Variants in SYT7 observed in about 807,000 individuals in gnomAD.
The protein encoded by SYT7 is synaptotagmin-7.
Under a neutral mutation model 75.1 loss-of-function variants are expected in SYT7, and 29 were observed. The ratio of observed to expected loss-of-function variants is 0.39; its 90% confidence interval spans 0.29 to 0.53. The LOEUF (loss-of-function observed/expected upper bound fraction) is 0.53, where lower values mean the gene tolerates loss of function less well. SYT7 is among the 20% of genes least tolerant of loss of function. The probability of loss-of-function intolerance (pLI) is 0.77; values close to 1 mark genes in which losing one functional copy is unlikely to be tolerated. For missense variants in SYT7, 693 were observed against 953.2 expected (o/e 0.73, Z 3.59); for synonymous variants, 376 against 401.7 (o/e 0.94, Z 0.76).
chr11:61,542,424 G>A lies in SYT7; in HGVS notation c.728C>T (p.Pro243Leu), dbSNP rs768664891. The A allele has an allele frequency of 2.2e-5, 34 of 1,532,626 alleles. No homozygotes were observed. Among genetic ancestry groups the A allele is most frequent in the African/African-American group, 2.7e-5 (2 of 72,890 alleles). 94.9% of individuals were successfully genotyped at this position (1,532,626 alleles called of 1,614,324 possible). The change falls in exon 6 of 13, where the codon CCC (proline) becomes CTC (leucine). Residue 243 changes from proline (P) to leucine (L), a missense_variant. By Grantham distance (98) the Pro-to-Leu change is moderately conservative. Coordinates refer to ENST00000539008, the MANE Select transcript of SYT7 (RefSeq NM_001365809.2). The surrounding 1 kb of genome is among the most constrained non-coding windows in gnomAD (Gnocchi z 7.8). ...CTGGCCCAGGCTCTGGCTGGTGGTGGGCTGGCTGGGCTGCCGGCCCCGCTG... is the reference window on the plus strand; with the variant it reads ...CTGGCCCAGGCTCTGGCTGGTGGTGAGCTGGCTGGGCTGCCGGCCCCGCTG... ...QHQRGRQPSQ[P>L]TTSQSLGQLQ...
At position 61,517,551 on chromosome 11, in the gene SYT7, T is replaced by A. The variant is rs1190377124; in HGVS notation, c.*1076A>T. The A allele has an allele frequency of 5.0e-6, 2 of 398,986 alleles. No individual in the cohort carries two copies. Among genetic ancestry groups the A allele is most frequent in the Non-Finnish European group, 8.8e-6 (2 of 226,622 alleles). 24.7% of individuals were successfully genotyped at this position (398,986 alleles called of 1,614,324 possible). On this transcript the variant is annotated 3_prime_UTR_variant, in exon 13 of 13. Transcript: ENST00000539008. Reference sequence around the variant, plus strand: ...GGGGTGGAGGAAAGAAGGGTGGAGGTCTGCACAGGCAGGGAGAGATGAGGA... The same window carrying A: ...GGGGTGGAGGAAAGAAGGGTGGAGGACTGCACAGGCAGGGAGAGATGAGGA...
chr11:61,557,695 A>AC (rs1349611441), intron 1 of SYT7, among the ~76,000 whole-genome samples: 1 of 151,516 alleles, frequency 6.6e-6, no homozygotes, highest in East Asian at 1.9e-4. Flanking sequence ...TGCAGCCTCA[A>AC]CCCCCCGGAA....
intron 3 of SYT7, among the ~76,000 whole-genome samples, chr11:61,548,104 C>T (rs1033025576): frequency 2.4e-4 from 37 of 152,370 alleles, no homozygotes; most frequent in African/African-American, 8.7e-4. Context: ...GCAAATGTGG[C>T]AGCTGGGTCA....
intron 1 of SYT7, among the ~76,000 whole-genome samples, chr11:61,577,896 GT>G (rs1267034519): frequency 7.2e-5 from 11 of 152,192 alleles, no homozygotes; most frequent in African/African-American, 2.7e-4. Flanking sequence ...TCCTGCCGCT[GT>G]CCTGCCTGCC....
Position 61,580,787 on chromosome 11 carries a change from T to A in SYT7, c.31+3A>T, listed in dbSNP as rs1379650242. ...CGCCCCAGCCCGCCGGGGCCGCGCTTACCTGGGCTGGCCGCCTCCGGGTCC... is the reference window on the plus strand; with the variant it reads ...CGCCCCAGCCCGCCGGGGCCGCGCTAACCTGGGCTGGCCGCCTCCGGGTCC... On this transcript the variant is annotated splice_donor_region_variant and intron_variant, in intron 1 of 12. Transcript: ENST00000539008. This position sits in a 1 kb window ranked among gnomAD's most constrained non-coding sequence, Gnocchi z 6.1. 4 of 1,284,858 alleles carry A rather than the reference T, an allele frequency of 3.1e-6. No individual in the cohort carries two copies. Among genetic ancestry groups the A allele is most frequent in the Non-Finnish European group, 3.9e-6 (4 of 1,013,894 alleles). 79.6% of individuals were successfully genotyped at this position (1,284,858 alleles called of 1,614,324 possible).
chr11:61,568,727 A>G (rs2063841427), intron 1 of SYT7, among the ~76,000 whole-genome samples: 1 of 152,146 alleles, frequency 6.6e-6, no homozygotes, highest in Non-Finnish European at 1.5e-5. Context: ...GCCCCCCACC[A>G]TCCTCACCTC....
At chr11:61,566,310 T>C (rs555769162) in intron 1 of SYT7, among the ~76,000 whole-genome samples, 3 of 152,346 alleles carry the variant, frequency 2.0e-5, no homozygotes, top group East Asian at 3.9e-4. Flanking sequence ...CAGCCACCCC[T>C]ACCTCCCACA....
intron 6 of SYT7, 117 bp from the exon 7 acceptor site, chr11:61,538,383 G>GAGAA (rs2062941540): frequency 2.4e-6 from 2 of 825,180 alleles, no homozygotes; most frequent in Non-Finnish European, 1.8e-6. Context: ...GAGAGAGAGA[G>GAGAA]AGAGAAAGAG....
Position 61,576,104 on chromosome 11 carries a change from G to A in SYT7, c.31+4686C>T, listed in dbSNP as rs1249379338. On this transcript the variant is annotated intron_variant, in intron 1 of 12. Coordinates refer to ENST00000539008, the MANE Select transcript of SYT7 (RefSeq NM_001365809.2). The surrounding 1 kb of genome is among the most constrained non-coding windows in gnomAD (Gnocchi z 4.1). ...ACCTGGAATTCCAGGCCAAAGCTCT[G>A]GGCACAGTCCAGCCCTTTCCACAAG... is the stretch of plus-strand genomic sequence containing the variant. Among the ~76,000 whole-genome samples, 1 of 152,222 alleles carries A rather than the reference G, an allele frequency of 6.6e-6. No individual in the cohort carries two copies. The highest frequency in any genetic ancestry group is 1.5e-5 in the Non-Finnish European group (1 of 68,030).
intron 2 of SYT7, among the ~76,000 whole-genome samples, chr11:61,555,469 C>T (rs928681956): frequency 4.1e-4 from 62 of 152,252 alleles, no homozygotes; most frequent in African/African-American, 1.4e-3. Flanking sequence ...CCCGCTCCCC[C>T]TACCGGCGCC....
chr11:61,530,963 C>A (rs1413629120), intron 8 of SYT7: 1 of 985,426 alleles, frequency 1.0e-6, no homozygotes, highest in Non-Finnish European at 1.2e-6. Context: ...ACCCCTATAC[C>A]AGGGCAGGAG....
chr11:61,578,725 A>G (rs964795196), intron 1 of SYT7, among the ~76,000 whole-genome samples: 3 of 152,194 alleles, frequency 2.0e-5, no homozygotes, highest in Admixed American at 2.0e-4. Context: ...GACTAGGCTC[A>G]AAGGCAGACT....
chr11:61,587,449 A>G, the SYT7 span, among the ~76,000 whole-genome samples: 1 of 152,246 alleles, frequency 6.6e-6, no homozygotes, highest in South Asian at 2.1e-4. Context: ...TGAGGCTGAG[A>G]AGGGGAAACT....
rs755262640 is a variant in SYT7, at chr11:61,551,363, A to G, written c.215+21T>C. 55 of 1,612,870 alleles carry G rather than the reference A, an allele frequency of 3.4e-5. No homozygotes were observed. The highest frequency in any genetic ancestry group is 4.7e-5 in the Non-Finnish European group (55 of 1,179,568). On this transcript the variant is annotated intron_variant, in intron 3 of 12. Transcript: ENST00000539008. The surrounding 1 kb of genome is among the most constrained non-coding windows in gnomAD (Gnocchi z 5.3). Reference sequence around the variant, plus strand: ...GGGCTGCTTGTGTGGCCCCATCCCAAACTAGCAGCCTGGCACCTACTTGAT... The same window carrying G: ...GGGCTGCTTGTGTGGCCCCATCCCAGACTAGCAGCCTGGCACCTACTTGAT...
intron 1 of SYT7, among the ~76,000 whole-genome samples, chr11:61,564,001 A>G (rs2063704961): frequency 6.6e-6 from 1 of 152,158 alleles, no homozygotes; most frequent in South Asian, 2.1e-4. Flanking sequence ...GCCCTCCCCA[A>G]TGACAGGCAC....
chr11:61,516,414 A>C lies in SYT7; in HGVS notation c.*2213T>G, dbSNP rs2062149972. 1 of 152,034 alleles carries C rather than the reference A, an allele frequency of 6.6e-6. No individual in the cohort carries two copies. The highest frequency in any genetic ancestry group is 1.5e-5 in the Non-Finnish European group (1 of 68,020). The allele number at this position is 152,034 out of a possible 1,614,324, so 9.4% of individuals were successfully genotyped here. A position where few individuals can be genotyped will look rare whatever the true frequency, so the allele number is the denominator to read the frequency against. On this transcript the variant is annotated 3_prime_UTR_variant, in exon 13 of 13. Transcript: ENST00000539008. The surrounding 1 kb of genome is among the most constrained non-coding windows in gnomAD (Gnocchi z 4.6). The stretch of plus-strand genomic sequence containing the variant: ...TGGGCGGGGCTCGGGAAAAATGGGG[A>C]GCCGTTGCCCCGCCCACTCGATACA...
At chr11:61,529,771 A>G (rs915571069) in intron 8 of SYT7, among the ~76,000 whole-genome samples, 1 of 152,172 alleles carries the variant, frequency 6.6e-6, no homozygotes, top group Admixed American at 6.5e-5. Flanking sequence ...AGTAGCTGGG[A>G]CCACAGGGGC....
chr11:61,538,107 T>C (rs1038600138), intron 7 of SYT7, 37 bp downstream of exon 7: 2 of 1,533,448 alleles, frequency 1.3e-6, no homozygotes, highest in South Asian at 2.4e-5. Flanking sequence ...CCTCCTTCTC[T>C]GCCGCCGCCG....
intron 1 of SYT7, among the ~76,000 whole-genome samples, chr11:61,572,240 T>G (rs2063944016): frequency 6.6e-6 from 1 of 152,104 alleles, no homozygotes; most frequent in Admixed American, 6.5e-5. Context: ...CCCTCCACCT[T>G]GCCAGTAGAG....
Sources: gnomAD v4.1 joint callset for allele counts (sites outside exome capture counted in the v4.1 genomes callset) on GRCh38, gnomAD v4.1.1 for gene constraint, Gnocchi (gnomAD v3.1) non-coding constraint, MANE v1.5 for transcripts, NCBI Gene and HGNC (gene_info 2026-07-23, HGNC 2026-07-21) for gene names.